Variants in CPT1A observed in about 807,000 individuals in gnomAD.
The protein encoded by CPT1A is carnitine O-palmitoyltransferase 1, liver isoform.
CPT1A carries 64 observed loss-of-function variants against 100.8 expected under a neutral mutation model. The observed-to-expected ratio is 0.63, with a 90% CI of 0.52 to 0.78. The LOEUF is 0.78. CPT1A is among the 30% of genes least tolerant of loss of function. The pLI is 0.00. For missense variants in CPT1A, 802 were observed against 1,034.1 expected (o/e 0.78, Z 3.08); for synonymous variants, 363 against 396.0 (o/e 0.92, Z 0.99).
At chr11:68,821,245 T>G (rs1271077908) in intron 1 of CPT1A, among the ~76,000 whole-genome samples, 1 of 152,180 alleles carries the variant, frequency 6.6e-6, no homozygotes, top group African/African-American at 2.4e-5. Flanking sequence ...CTCTGCCTCC[T>G]GGGTTCAAGT....
chr11:68,824,576 T>G (rs185611181), intron 1 of CPT1A, among the ~76,000 whole-genome samples: 1 of 152,204 alleles, frequency 6.6e-6, no homozygotes, highest in African/African-American at 2.4e-5. Context: ...TGTGGTTATG[T>G]TTTTTAAGAG....
At chr11:68,783,442 C>T (rs2153998183) in intron 10 of CPT1A, among the ~76,000 whole-genome samples, 1 of 152,276 alleles carries the variant, frequency 6.6e-6, no homozygotes, top group African/African-American at 2.4e-5. Flanking sequence ...GCGGCTCCAC[C>T]CCCTGGACAC....
intron 14 of CPT1A, among the ~76,000 whole-genome samples, chr11:68,768,361 C>T (rs2153996092): frequency 6.6e-6 from 1 of 152,142 alleles, no homozygotes; most frequent in South Asian, 2.1e-4. Context: ...AGGCATGACC[C>T]ACTGTGCCCG....
At chr11:68,825,659 G>A (rs181289402) in intron 1 of CPT1A, among the ~76,000 whole-genome samples, 2 of 139,274 alleles carry the variant, frequency 1.4e-5, no homozygotes, top group East Asian at 4.6e-4. Context: ...CCCAGTGCCC[G>A]CCTCCCCGAG....
At chr11:68,811,364 C>T (rs548290033) in intron 3 of CPT1A, among the ~76,000 whole-genome samples, 1 of 152,280 alleles carries the variant, frequency 6.6e-6, no homozygotes, top group African/African-American at 2.4e-5. Flanking sequence ...TGGCACGGGG[C>T]AGCAGGGACA....
intron 1 of CPT1A, among the ~76,000 whole-genome samples, chr11:68,825,342 G>A (rs1189011121): frequency 1.3e-5 from 2 of 152,110 alleles, no homozygotes; most frequent in African/African-American, 4.8e-5. Flanking sequence ...GATACTCCAA[G>A]TGCCCCAGGT....
chr11:68,838,016 C>A (rs1204795731), intron 1 of CPT1A, among the ~76,000 whole-genome samples: 1 of 152,098 alleles, frequency 6.6e-6, no homozygotes, highest in East Asian at 1.9e-4. Context: ...GGCTCTCCGG[C>A]TCCTGGGCTG....
At chr11:68,772,451 A>G (rs557799535) in intron 14 of CPT1A, among the ~76,000 whole-genome samples, 1 of 152,260 alleles carries the variant, frequency 6.6e-6, no homozygotes, top group Admixed American at 6.5e-5. Context: ...GCTCCCTCCA[A>G]TGGACAAGAA....
At chr11:68,822,771 G>T (rs183931048) in intron 1 of CPT1A, among the ~76,000 whole-genome samples, 27 of 152,282 alleles carry the variant, frequency 1.8e-4, no homozygotes, top group Admixed American at 3.3e-4. Flanking sequence ...ATGGACCTCC[G>T]ACACCTGCTG....
intron 1 of CPT1A, among the ~76,000 whole-genome samples, chr11:68,828,658 C>T (rs1277189683): frequency 1.3e-5 from 2 of 152,232 alleles, no homozygotes; most frequent in Non-Finnish European, 2.9e-5. Flanking sequence ...CAACACTGGG[C>T]AGCCTCTTTG....
rs879854169 is a variant in CPT1A at position 68,822,531 on chromosome 11, TA to T, written c.-13-7045del. On this transcript the variant is annotated intron_variant, in intron 1 of 18. Coordinates refer to ENST00000265641, the MANE Select transcript of CPT1A (RefSeq NM_001876.4). ...CTGGGCAACAGGGGAGATCCTGTCT[TA>T]AAAAAAAAAAAGAAAATTGTAGAAA... 6.2e-3 allele frequency among the ~76,000 whole-genome samples: 885 copies of T among 142,076 alleles called. 6 individuals are homozygous for T. The highest frequency in any genetic ancestry group is 7.1e-3 in the Middle Eastern group (2 of 280). The allele number at this position is 142,076 out of a possible 152,430, so 93.2% of individuals were successfully genotyped here.
At chr11:68,821,406 G>A (rs139271753) in intron 1 of CPT1A, among the ~76,000 whole-genome samples, 3,330 of 152,292 alleles carry the variant, frequency 0.022, 128 homozygotes, top group African/African-American at 0.076. Context: ...ACCCGCCTCA[G>A]CCTCCCAAAG....
intron 1 of CPT1A, among the ~76,000 whole-genome samples, chr11:68,833,778 A>G (rs2154002799): frequency 6.6e-6 from 1 of 152,304 alleles, no homozygotes; most frequent in African/African-American, 2.4e-5. Context: ...ACCTGATGGA[A>G]GCACCTTAGA....
At chr11:68,792,926 T>G (rs1189135185) in intron 9 of CPT1A, among the ~76,000 whole-genome samples, 1 of 152,106 alleles carries the variant, frequency 6.6e-6, no homozygotes, top group East Asian at 1.9e-4. Flanking sequence ...CATGTGCCTG[T>G]GGTCTCAGCT....
At chr11:68,833,245 A>C (rs1364030366) in intron 1 of CPT1A, among the ~76,000 whole-genome samples, 14 of 152,226 alleles carry the variant, frequency 9.2e-5, no homozygotes, top group Admixed American at 9.2e-4. Context: ...ACTAGCACAC[A>C]TGTGCAGTAA....
At chr11:68,764,803 G>A (rs866198326) in intron 14 of CPT1A, among the ~76,000 whole-genome samples, 1 of 152,262 alleles carries the variant, frequency 6.6e-6, no homozygotes, top group African/African-American at 2.4e-5. Flanking sequence ...TGAAGGCGTC[G>A]ACAAGAGCAG....
rs148256861 is a variant in CPT1A, at chr11:68,775,222, A to G, written c.1575+94T>C. 1.4e-4 allele frequency: 143 copies of G among 1,041,828 alleles called. No individual in the cohort carries two copies. In the African/African-American group the frequency reaches 2.1e-3, roughly 15 times the overall value. The allele number at this position is 1,041,828 out of a possible 1,614,324, so 64.5% of individuals were successfully genotyped here. ...AGTGGTCTTCAACTGAGCTCATGAT[A>G]GGGCAGGAACTACGGTTGGAAAATT... On this transcript the variant is annotated intron_variant, in intron 13 of 18. Transcript: ENST00000265641.
Position 68,800,411 on chromosome 11 carries a change from TA to T in CPT1A, c.556-1057del, listed in dbSNP as rs547802739. 4.7e-5 allele frequency among the ~76,000 whole-genome samples: 7 copies of T among 148,680 alleles called. No homozygotes were observed. The South Asian group carries it at 1.5e-3, about 31-fold the overall frequency. On this transcript the variant is annotated intron_variant, in intron 5 of 18. Transcript: ENST00000265641. ...ATCCCAGCACTTTGAGAGGCTGAGG[TA>T]TGAAGAGTGCTTGAGCCCAAGCAAT...
intron 14 of CPT1A, among the ~76,000 whole-genome samples, chr11:68,763,463 G>A (rs779696301): frequency 5.9e-5 from 9 of 152,050 alleles, no homozygotes; most frequent in South Asian, 2.1e-4. Context: ...ATTCCACTGC[G>A]TCTGGAAGAT....
Sources: gnomAD v4.1 joint callset for allele counts (sites outside exome capture counted in the v4.1 genomes callset) on GRCh38, gnomAD v4.1.1 for gene constraint, MANE v1.5 for transcripts, NCBI Gene and HGNC (gene_info 2026-07-23, HGNC 2026-07-21) for gene names.